The following PKP3 variants were observed in gnomAD, a reference collection of about 807,000 sequenced individuals.
PKP3 encodes plakophilin-3.
A neutral mutation model predicts 76.5 loss-of-function variants in PKP3; 66 were observed. The ratio of observed to expected loss-of-function variants is 0.86; its 90% CI spans 0.71 to 1.06. PKP3 has a LOEUF of 1.06. Ranked by LOEUF, PKP3 falls within the 50% of genes least tolerant of loss-of-function variation. The pLI is 0.00. For synonymous variants in PKP3, 638 were observed against 516.5 expected, an observed-to-expected ratio of 1.24 and a Z score of -3.19; for missense variants, 1,338 against 1,141.0, an observed-to-expected ratio of 1.17 and a Z score of -2.49.
chr11:399,103 G>T lies in PKP3; in HGVS notation c.1180G>T (p.Asp394Tyr). 6.2e-7 allele frequency: 1 copy of T among 1,612,044 alleles called. No individual in the cohort carries two copies. Among genetic ancestry groups the T allele is most frequent in the Non-Finnish European group, 8.5e-7 (1 of 1,179,486 alleles). ...AMRNLIYDNADNKLALVEENG... is the reference protein window; with the variant it reads ...AMRNLIYDNAYNKLALVEENG... The stretch of plus-strand genomic sequence containing the variant: ...GCGCAACCTCATCTACGACAACGCT[G>T]ACAACAAGCTGGCCCTGGTGGAGGA... The change falls in exon 5 of 13, where the codon GAC becomes TAC. Residue 394 changes from aspartate (D) to tyrosine (Y), a missense_variant. Coordinates refer to ENST00000331563, the MANE Select transcript of PKP3 (RefSeq NM_007183.4).
rs569853739 is a variant in PKP3, at chr11:404,006, C to T, written c.2141C>T (p.Pro714Leu). The T allele has an allele frequency of 6.2e-7, 1 of 1,611,798 alleles. No homozygotes were observed. Among genetic ancestry groups the T allele is most frequent in the Admixed American group, 1.7e-5 (1 of 59,950 alleles). Residue 714 changes from proline to leucine, a missense_variant, in exon 11 of 13, where the codon CCA becomes CTA. Pro to Leu is a moderately conservative substitution (Grantham distance 98). Transcript: ENST00000331563. The surrounding 1 kb of genome is among the most constrained non-coding windows in gnomAD (Gnocchi z 4.2). ...GGCAGCGTGGGTGAGAAGTCGCCCCCAGCCGAGGTGCTGGTCAACATCATA... is the reference window on the plus strand; with the variant it reads ...GGCAGCGTGGGTGAGAAGTCGCCCCTAGCCGAGGTGCTGGTCAACATCATA... The part of the protein sequence containing the change: ...LPGSVGEKSP[P>L]AEVLVNIIAV...
intron 10 of PKP3, 58 bp downstream of exon 10, chr11:403,829 T>A (rs1847202844): frequency 3.8e-6 from 6 of 1,594,916 alleles, no homozygotes; most frequent in Non-Finnish European, 5.1e-6. Context: ...ATTTTGTCTT[T>A]AAGTGTGGGC....
chr11:392,713 G>A, upstream of PKP3: 1 of 1,284,570 alleles, frequency 7.8e-7, no homozygotes, highest in Non-Finnish European at 1.0e-6. Context: ...AGCCGGGTAG[G>A]TCTCCCACCC....
chr11:403,539 G>T (rs891200389), intron 9 of PKP3, 79 bp from the exon 10 acceptor site: 21 of 1,421,446 alleles, frequency 1.5e-5, no homozygotes, highest in Middle Eastern at 2.3e-4. Context: ...AGAGGATGCA[G>T]CGACCCCATT....
chr11:398,987 C>G lies in PKP3; in HGVS notation c.1069-5C>G, dbSNP rs572200726. On this transcript the variant is annotated splice_region_variant and splice_polypyrimidine_tract_variant and intron_variant, in intron 4 of 12. Transcript: ENST00000331563. ...CTGTGCACCCCCATATGCCTGTGCC[C>G]GCAGGCCCGCAGCCTTCAGGCCGTG... is the stretch of plus-strand genomic sequence containing the variant. 6.4e-7 allele frequency: 1 copy of G among 1,558,192 alleles called. No individual in the cohort carries two copies. Among genetic ancestry groups the G allele is most frequent in the Non-Finnish European group, 8.7e-7 (1 of 1,148,632 alleles).
At chr11:400,182 G>C in intron 6 of PKP3, 41 bp downstream of exon 6, 1 of 1,472,518 alleles carries the variant, frequency 6.8e-7, no homozygotes, top group Non-Finnish European at 9.0e-7. Context: ...TTGCAGGCGC[G>C]GGTCACTGTG....
Position 397,240 on chromosome 11 carries a change from G to GC in PKP3, c.741dup (p.Val248ArgfsTer43). ...CCCGAGCCGGACCATCCGTGCCCCT[G>GC]CCGTGCGGACCCTGCAGCGATTCCA... On this transcript the variant is annotated frameshift_variant, in exon 3 of 13. Transcript: ENST00000331563. LOFTEE classifies it high-confidence loss of function. The GC allele has an allele frequency of 6.3e-7, 1 of 1,599,774 alleles. No individual in the cohort carries two copies. Among genetic ancestry groups the GC allele is most frequent in the Non-Finnish European group, 8.5e-7 (1 of 1,178,652 alleles).
chr11:397,978 GTACCCCCGCACACACCTGCATCACCTCCA>G (rs1564879607), intron 4 of PKP3, among the ~76,000 whole-genome samples: 12 of 44,512 alleles, frequency 2.7e-4, no homozygotes, highest in South Asian at 7.3e-4. Flanking sequence ...CGTCACCTCC[GTACCCCCGCACACACCTGCATCACCTCCA>G]TACCCCCACA....
At chr11:399,850 T>C in intron 5 of PKP3, 117 bp from the exon 6 acceptor site, 1 of 817,478 alleles carries the variant, frequency 1.2e-6, no homozygotes, top group Non-Finnish European at 1.9e-6. Context: ...GGCTCGTGGG[T>C]GAGGCACAGA....
intron 5 of PKP3, 138 bp from the exon 6 acceptor site, chr11:399,829 C>T: frequency 1.5e-6 from 1 of 676,762 alleles, no homozygotes; most frequent in Middle Eastern, 4.1e-4. Context: ...ACCCCAGGGT[C>T]TCCCCAGTGG....
In PKP3 at chr11:403,606, C is replaced by T. The variant is rs1439379637; in HGVS notation, c.1924-12C>T. On this transcript the variant is annotated splice_polypyrimidine_tract_variant and intron_variant, in intron 9 of 12. Coordinates refer to ENST00000331563, the MANE Select transcript of PKP3 (RefSeq NM_007183.4). ...GCCTCCGGGTCACGGCTCACACCCT[C>T]CCTCCCCACAGTGGGCGGGGGTGCT... The T allele has an allele frequency of 1.2e-6, 2 of 1,601,712 alleles. No individual in the cohort carries two copies. Among genetic ancestry groups the T allele is most frequent in the South Asian group, 1.1e-5 (1 of 91,016 alleles).
rs779019068 is a variant in PKP3 at position 397,070 on chromosome 11, G to T, written c.569G>T (p.Gly190Val). 1 of 1,598,790 alleles carries T rather than the reference G, an allele frequency of 6.3e-7. No individual in the cohort carries two copies. The highest frequency in any genetic ancestry group is 2.2e-5 in the East Asian group (1 of 44,866). ...CGCTCGCTGCGGCTGGGGCCCGGGG[G>T]CCTGGACGACCGCTACAGCCTGGTG... Reference protein sequence around the residue: ...SLRSLRLGPGGLDDRYSLVSE... With the variant: ...SLRSLRLGPGVLDDRYSLVSE... The change falls in exon 3 of 13, where the codon GGC (glycine) becomes GTC (valine). Residue 190 changes from glycine to valine, a missense_variant. Gly to Val is a moderately radical substitution (Grantham distance 109). Coordinates refer to ENST00000331563, the MANE Select transcript of PKP3 (RefSeq NM_007183.4).
rs1847130213 is a variant in PKP3, at chr11:400,322, C to G, written c.1449-12C>G. ...GGGTCCCTGGGGGGCTCTGATCCAC[C>G]TCGGTCCCCAGGAACCTCAGCTCAG... On this transcript the variant is annotated splice_polypyrimidine_tract_variant and intron_variant, in intron 6 of 12. Coordinates refer to ENST00000331563, the MANE Select transcript of PKP3 (RefSeq NM_007183.4). 1.3e-6 allele frequency: 2 copies of G among 1,542,416 alleles called. No individual in the cohort carries two copies. Among genetic ancestry groups the G allele is most frequent in the Admixed American group, 2.0e-5 (1 of 50,854 alleles).
At position 394,407 on chromosome 11, in the gene PKP3, G is replaced by A. The variant is rs932110114; in HGVS notation, c.115G>A (p.Glu39Lys). Residue 39 changes from glutamate (E) to lysine (K), a missense_variant, in exon 1 of 13, where the codon GAG becomes AAG. Transcript: ENST00000331563. The stretch of plus-strand genomic sequence containing the variant: ...CCGGGGCGCCGAGGGGCCGGAGGCC[G>A]AGCGGCTGCGGGCAGCCCGCGTCCA... ...DRRGAEGPEA[E>K]RLRAARVQEQ... The A allele has an allele frequency of 1.0e-5, 15 of 1,476,756 alleles. No individual in the cohort carries two copies. The African/African-American group carries it at 1.0e-4, about 10-fold the overall frequency. The allele number at this position is 1,476,756 out of a possible 1,614,324, so 91.5% of individuals were successfully genotyped here. A position where few individuals can be genotyped will look rare whatever the true frequency, so the allele number is the denominator to read the frequency against.
rs1847122521 is a variant in PKP3 at position 399,995 on chromosome 11, C to T, written c.1302C>T (p.Asp434=). The change falls in exon 6 of 13, where the codon GAC becomes GAT. Residue 434 remains aspartate (D), a synonymous_variant. Coordinates refer to ENST00000331563, the MANE Select transcript of PKP3 (RefSeq NM_007183.4). ...TCCTGTGGAACCTTTCATCCAGCGACCACCTGAAGGACCGCCTGGCCAGAG... is the reference window on the plus strand; with the variant it reads ...TCCTGTGGAACCTTTCATCCAGCGATCACCTGAAGGACCGCCTGGCCAGAG... ...TGILWNLSSS[D]HLKDRLARDT... 8.1e-6 allele frequency: 13 copies of T among 1,606,418 alleles called. No individual in the cohort carries two copies. Among genetic ancestry groups the T allele is most frequent in the Admixed American group, 3.4e-5 (2 of 59,342 alleles).
At position 404,667 on chromosome 11, in the gene PKP3, T is replaced by C. The variant is rs1322875138; in HGVS notation, c.*98T>C. 8 of 1,240,386 alleles carry C rather than the reference T, an allele frequency of 6.4e-6. No homozygotes were observed. The East Asian group carries it at 1.9e-4, about 29-fold the overall frequency. The allele number at this position is 1,240,386 out of a possible 1,614,324, so 76.8% of individuals were successfully genotyped here. A position where few individuals can be genotyped will look rare whatever the true frequency, so the allele number is the denominator to read the frequency against. On this transcript the variant is annotated 3_prime_UTR_variant, in exon 13 of 13. Transcript: ENST00000331563. This position sits in a 1 kb window ranked among gnomAD's most constrained non-coding sequence, Gnocchi z 4.2. The stretch of plus-strand genomic sequence containing the variant: ...AGCCCAGCCTGGAGGAGAAGGCTAA[T>C]GACGGAGGGGCCCCTCGCTGGGGCC...
In PKP3 at chr11:397,290, A is replaced by G. The variant is rs1284860486; in HGVS notation, c.789A>G (p.Val263=). 1 of 1,594,168 alleles carries G rather than the reference A, an allele frequency of 6.3e-7. No homozygotes were observed. Among genetic ancestry groups the G allele is most frequent in the East Asian group, 2.3e-5 (1 of 44,134 alleles). ...AGAGCAGCCACCGGAGCCGCGGGGT[A>G]GGCGGGGCAGTGCCGGGGGCCGTCC... ...RFQSSHRSRG[V]GGAVPGAVLE... Residue 263 remains valine (V), a synonymous_variant, in exon 3 of 13, where the codon GTA becomes GTG. Transcript: ENST00000331563.
chr11:398,971 C>T (rs372953509), intron 4 of PKP3, 21 bp from the exon 5 acceptor site: 4 of 1,534,820 alleles, frequency 2.6e-6, no homozygotes, highest in East Asian at 2.3e-5. Flanking sequence ...TCTGTGCACC[C>T]CCATATGCCT....
At position 404,772 on chromosome 11, in the gene PKP3, G is replaced by T. The variant is rs892339193; in HGVS notation, c.*203G>T. On this transcript the variant is annotated 3_prime_UTR_variant, in exon 13 of 13. Transcript: ENST00000331563. The surrounding 1 kb of genome is among the most constrained non-coding windows in gnomAD (Gnocchi z 4.2). ...TGGGGACTTGGCTTCCGCAGGGCAGGGGGTGGGGCAGGGCTCAAGGCTGCT... is the reference window on the plus strand; with the variant it reads ...TGGGGACTTGGCTTCCGCAGGGCAGTGGGTGGGGCAGGGCTCAAGGCTGCT... The T allele has an allele frequency of 4.9e-5, 29 of 595,712 alleles. No homozygotes were observed. Among genetic ancestry groups the T allele is most frequent in the Admixed American group, 2.4e-4 (8 of 33,742 alleles). 36.9% of individuals were successfully genotyped at this position (595,712 alleles called of 1,614,324 possible). A position where few individuals can be genotyped will look rare whatever the true frequency, so the allele number is the denominator to read the frequency against.
Sources: gnomAD v4.1 joint callset for allele counts (sites outside exome capture counted in the v4.1 genomes callset) on GRCh38, gnomAD v4.1.1 for gene constraint, Gnocchi (gnomAD v3.1) non-coding constraint, MANE v1.5 for transcripts, NCBI Gene and HGNC (gene_info 2026-07-23, HGNC 2026-07-21) for gene names.